WASF3: variants seen among roughly 807,000 people sequenced by gnomAD.
WASF3 encodes the protein WASP family member 3, also known as actin-binding protein WASF3.
Under a neutral mutation model 46.6 loss-of-function variants are expected in WASF3, and 11 were observed. The ratio of observed to expected loss-of-function variants is 0.24; its 90% confidence interval spans 0.15 to 0.39. The LOEUF is 0.39. Ranked by LOEUF, WASF3 falls within the 10% of genes least tolerant of loss-of-function variation. The pLI is 1.00. For synonymous variants in WASF3, 242 were observed against 259.7 expected (o/e 0.93, Z 0.65); for missense variants, 576 against 669.8 (o/e 0.86, Z 1.55).
At chr13:26,571,087 ATTATT>A (rs1264779311) in intron 1 of WASF3, among the ~76,000 whole-genome samples, 3 of 152,064 alleles carry the variant, frequency 2.0e-5, no homozygotes, top group African/African-American at 4.8e-5. Flanking sequence ...AAATTTTTAT[ATTATT>A]TTGAGAATTG....
Position 26,665,071 on chromosome 13 carries a change from T to C in WASF3, c.177T>C (p.Ala59=). The C allele has an allele frequency of 6.2e-7, 1 of 1,614,150 alleles. No homozygotes were observed. Among genetic ancestry groups the C allele is most frequent in the Non-Finnish European group, 8.5e-7 (1 of 1,179,954 alleles). ...TATTTGGTGAGTTGTTTAATGAGGC[T>C]AACAACTTCTACATCAGAGCAAATT... is the stretch of plus-strand genomic sequence containing the variant. ...EDIFGELFNE[A]NNFYIRANSL... is the part of the protein sequence containing the mutation. The change falls in exon 4 of 10, where the codon GCT becomes GCC. Residue 59 remains alanine (A), a synonymous_variant. Coordinates refer to ENST00000335327, the MANE Select transcript of WASF3 (RefSeq NM_006646.6).
At chr13:26,576,912 TA>T in intron 1 of WASF3, 1 of 782,600 alleles carries the variant, frequency 1.3e-6, no homozygotes, top group Non-Finnish European at 2.1e-6. Context: ...ACAAACGCCT[TA>T]CGAAAGGAGG....
Position 26,667,586 on chromosome 13 carries a change from C to T in WASF3, c.338C>T (p.Ser113Leu). The T allele has an allele frequency of 6.2e-7, 1 of 1,614,090 alleles. No individual in the cohort carries two copies. Among genetic ancestry groups the T allele is most frequent in the East Asian group, 2.2e-5 (1 of 44,872 alleles). ...SSTVQDQQVV[S>L]KNSIPNPVAD... is the part of the protein sequence containing the mutation. Reference sequence around the variant, plus strand: ...ACAGTCCAAGACCAGCAAGTGGTTTCAAAGAACAGCATTCCTAATCCTGTT... The same window carrying T: ...ACAGTCCAAGACCAGCAAGTGGTTTTAAAGAACAGCATTCCTAATCCTGTT... Residue 113 changes from serine to leucine, a missense_variant, in exon 5 of 10, where the codon TCA (serine) becomes TTA (leucine). This residue lies in a region of WASF3 where 213 missense variants were observed against 278.0 expected (regional missense o/e 0.77). Coordinates refer to ENST00000335327, the MANE Select transcript of WASF3 (RefSeq NM_006646.6).
chr13:26,557,107 C>T (rs1593362560), upstream of WASF3, among the ~76,000 whole-genome samples: 3 of 152,280 alleles, frequency 2.0e-5, no homozygotes, highest in South Asian at 6.2e-4. Context: ...GATTTCCTCA[C>T]ATCTAGGGTG....
chr13:26,672,029 C>G, intron 6 of WASF3, 40 bp downstream of exon 6: 1 of 1,375,072 alleles, frequency 7.3e-7, no homozygotes, highest in Non-Finnish European at 1.0e-6. Flanking sequence ...TATCAGTGTT[C>G]AAAGGAGATT....
chr13:26,652,666 T>C (rs1450508445), intron 3 of WASF3, among the ~76,000 whole-genome samples: 1 of 152,140 alleles, frequency 6.6e-6, no homozygotes, highest in Non-Finnish European at 1.5e-5. Context: ...GATAATGAGA[T>C]AATTATAATC....
Position 26,557,791 on chromosome 13 carries a change from C to A in WASF3, c.-137C>A. The A allele has an allele frequency of 3.5e-6, 1 of 282,616 alleles. No homozygotes were observed. The highest frequency in any genetic ancestry group is 6.6e-6 in the Non-Finnish European group (1 of 152,540). The allele number at this position is 282,616 out of a possible 1,614,324, so 17.5% of individuals were successfully genotyped here. A position where few individuals can be genotyped will look rare whatever the true frequency, so the allele number is the denominator to read the frequency against. Reference sequence around the variant, plus strand: ...GGGACCATGGAGCTCAGAGCGCAGCCCCGGCGCCGGCGGCGGGACCGCGGA... The same window carrying A: ...GGGACCATGGAGCTCAGAGCGCAGCACCGGCGCCGGCGGCGGGACCGCGGA... On this transcript the variant is annotated 5_prime_UTR_variant, in exon 1 of 10. Coordinates refer to ENST00000335327, the MANE Select transcript of WASF3 (RefSeq NM_006646.6).
Position 26,557,808 on chromosome 13 carries a change from G to T in WASF3, c.-120G>T. 3.4e-6 allele frequency: 1 copy of T among 295,790 alleles called. No individual in the cohort carries two copies. Among genetic ancestry groups the T allele is most frequent in the South Asian group, 1.4e-4 (1 of 6,980 alleles). 18.3% of individuals were successfully genotyped at this position (295,790 alleles called of 1,614,324 possible). A position where few individuals can be genotyped will look rare whatever the true frequency, so the allele number is the denominator to read the frequency against. ...AGCGCAGCCCCGGCGCCGGCGGCGGGACCGCGGACCGGTGAGTGAGGGCTG... is the reference window on the plus strand; with the variant it reads ...AGCGCAGCCCCGGCGCCGGCGGCGGTACCGCGGACCGGTGAGTGAGGGCTG... On this transcript the variant is annotated 5_prime_UTR_variant, in exon 1 of 10. Transcript: ENST00000335327.
At chr13:26,629,637 A>G (rs1020989949) in intron 2 of WASF3, among the ~76,000 whole-genome samples, 7 of 152,116 alleles carry the variant, frequency 4.6e-5, no homozygotes, top group Non-Finnish European at 8.8e-5. Flanking sequence ...TAACCTAGGC[A>G]CACAGGGGAG....
chr13:26,660,192 T>TG, intron 3 of WASF3, among the ~76,000 whole-genome samples: 2 of 128,144 alleles, frequency 1.6e-5, no homozygotes, highest in African/African-American at 5.8e-5. Context: ...GTTTTTTGTT[T>TG]GGTTTTTTTT....
At chr13:26,626,280 T>G (rs1157766138) in intron 2 of WASF3, 2 of 152,306 alleles carry the variant, frequency 1.3e-5, no homozygotes, top group East Asian at 3.8e-4. Flanking sequence ...AGAGGATTCT[T>G]GCTGAAGATA....
intron 4 of WASF3, among the ~76,000 whole-genome samples, chr13:26,665,666 C>T (rs553897432): frequency 3.9e-5 from 6 of 152,284 alleles, no homozygotes; most frequent in African/African-American, 1.4e-4. Flanking sequence ...CTTTAGGCTG[C>T]AGGCTTTAAA....
chr13:26,548,324 T>C, the WASF3 span, among the ~76,000 whole-genome samples: 1 of 152,180 alleles, frequency 6.6e-6, no homozygotes, highest in African/African-American at 2.4e-5. Flanking sequence ...TTAATCTCCT[T>C]CTCTTCTTAC....
chr13:26,635,998 TCTCAGAG>T (rs1347435189), intron 2 of WASF3, among the ~76,000 whole-genome samples: 1 of 152,218 alleles, frequency 6.6e-6, no homozygotes, highest in Non-Finnish European at 1.5e-5. Flanking sequence ...GTCTGTCCGT[TCTCAGAG>T]CTCAAACGCC....
chr13:26,684,341 C>T (rs367771675), intron 9 of WASF3, among the ~76,000 whole-genome samples: 2 of 151,568 alleles, frequency 1.3e-5, no homozygotes, highest in African/African-American at 2.4e-5. Flanking sequence ...TATCTAATCT[C>T]GAGGAAACAT....
chr13:26,560,446 G>A (rs1879261627), intron 1 of WASF3, among the ~76,000 whole-genome samples: 1 of 152,082 alleles, frequency 6.6e-6, no homozygotes, highest in African/African-American at 2.4e-5. Context: ...ATAATATAGG[G>A]TGTATCCTTC....
intron 3 of WASF3, among the ~76,000 whole-genome samples, chr13:26,660,340 CCACGAGG>C (rs919310086): frequency 2.0e-5 from 3 of 151,422 alleles, no homozygotes; most frequent in Non-Finnish European, 4.4e-5. Context: ...AGCAGAGGGC[CCACGAGG>C]CAGGAGGGCA....
At chr13:26,577,073 A>G in intron 1 of WASF3, 1 of 762,890 alleles carries the variant, frequency 1.3e-6, no homozygotes, top group Non-Finnish European at 2.3e-6. Context: ...GATGGCCTCA[A>G]GGGTCATGTG....
chr13:26,646,247 A>T (rs17084416), intron 3 of WASF3, among the ~76,000 whole-genome samples: 37 of 152,276 alleles, frequency 2.4e-4, no homozygotes, highest in Non-Finnish European at 4.6e-4. Context: ...ATATGCAAAT[A>T]TATATGAGCT....
Sources: allele counts gnomAD v4.1 joint callset (sites outside exome capture counted in the v4.1 genomes callset), GRCh38; gene constraint gnomAD v4.1.1; regional missense constraint gnomAD v4.1.1; transcripts MANE v1.5; gene names NCBI Gene and HGNC (gene_info 2026-07-23, HGNC 2026-07-21).